Variants in MSI2 observed in about 807,000 individuals in gnomAD.
The protein encoded by MSI2 is RNA-binding protein Musashi homolog 2.
A neutral mutation model predicts 45.6 loss-of-function variants in MSI2; 17 were observed. That is an observed-to-expected ratio of 0.37 (90% confidence interval 0.26 to 0.56). The LOEUF (loss-of-function observed/expected upper bound fraction) is 0.56, where lower values mean the gene tolerates loss of function less well. MSI2 is among the 20% of genes least tolerant of loss of function. The pLI is 0.77. For synonymous variants in MSI2, 156 were observed against 158.2 expected (o/e 0.99, Z 0.11); for missense variants, 293 against 444.2 (o/e 0.66, Z 3.06).
At chr17:57,431,367 T>G (rs1367264585) in intron 6 of MSI2, among the ~76,000 whole-genome samples, 7 of 152,240 alleles carry the variant, frequency 4.6e-5, no homozygotes, top group Non-Finnish European at 1.0e-4. Context: ...AGCCAGGGAA[T>G]GTCCTTAGAT....
chr17:57,605,998 G>A (rs1348007956), intron 8 of MSI2, among the ~76,000 whole-genome samples: 1 of 152,220 alleles, frequency 6.6e-6, no homozygotes, highest in Non-Finnish European at 1.5e-5. Context: ...GACAGCTGCT[G>A]CTGCCACCAT....
intron 7 of MSI2, among the ~76,000 whole-genome samples, chr17:57,571,023 A>G (rs920839133): frequency 2.0e-5 from 3 of 152,160 alleles, no homozygotes; most frequent in Admixed American, 6.5e-5. Context: ...GCTCAGGGTA[A>G]AGACCAGGGT....
intron 6 of MSI2, among the ~76,000 whole-genome samples, chr17:57,447,294 A>T (rs550068549): frequency 2.6e-5 from 4 of 151,976 alleles, no homozygotes; most frequent in East Asian, 3.9e-4. Context: ...TGTAGGTATG[A>T]TACCTCCCTA....
intron 6 of MSI2, among the ~76,000 whole-genome samples, chr17:57,412,692 G>T (rs887794008): frequency 7.9e-5 from 12 of 152,220 alleles, no homozygotes; most frequent in African/African-American, 2.9e-4. Context: ...AAAATGAATG[G>T]TTGTGGCTAT....
intron 5 of MSI2, among the ~76,000 whole-genome samples, chr17:57,351,976 A>T (rs1276503564): frequency 6.6e-6 from 1 of 152,268 alleles, no homozygotes; most frequent in African/African-American, 2.4e-5. Flanking sequence ...GAATGAGAAC[A>T]TACATTGTGT....
intron 10 of MSI2, among the ~76,000 whole-genome samples, chr17:57,633,587 G>A (rs1490091092): frequency 2.0e-5 from 3 of 152,226 alleles, no homozygotes; most frequent in Non-Finnish European, 4.4e-5. Flanking sequence ...ACTCCCCAGA[G>A]CACTGCAGGC....
chr17:57,633,358 T>C (rs1909576842), intron 10 of MSI2, among the ~76,000 whole-genome samples: 1 of 152,200 alleles, frequency 6.6e-6, no homozygotes, highest in Non-Finnish European at 1.5e-5. Flanking sequence ...TCCCCTGTAC[T>C]TGCTTGAGGT....
intron 5 of MSI2, among the ~76,000 whole-genome samples, chr17:57,347,953 A>G (rs1915748193): frequency 6.6e-6 from 1 of 152,170 alleles, no homozygotes; most frequent in African/African-American, 2.4e-5. Context: ...AGGTAAGTGC[A>G]TTTGGTCTCT....
At chr17:57,663,273 ATTTGT>A (rs1912129531) in intron 11 of MSI2, among the ~76,000 whole-genome samples, 1 of 152,200 alleles carries the variant, frequency 6.6e-6, no homozygotes, top group Non-Finnish European at 1.5e-5. Context: ...GCAGGGCCTC[ATTTGT>A]TTTGTAGATG....
At chr17:57,534,802 CA>C (rs756057125) in intron 7 of MSI2, among the ~76,000 whole-genome samples, 41 of 152,316 alleles carry the variant, frequency 2.7e-4, no homozygotes, top group African/African-American at 7.9e-4. Context: ...GATTTGTGCC[CA>C]GGGGGAGCGG....
chr17:57,410,536 A>G (rs1272700272), intron 6 of MSI2, among the ~76,000 whole-genome samples: 1 of 152,048 alleles, frequency 6.6e-6, no homozygotes, highest in Non-Finnish European at 1.5e-5. Flanking sequence ...TTCTGCCCCA[A>G]TGTAGCGAAA....
chr17:57,530,139 CAAAAT>C (rs2086790915), intron 7 of MSI2, among the ~76,000 whole-genome samples: 2 of 152,106 alleles, frequency 1.3e-5, no homozygotes, highest in Admixed American at 1.3e-4. Context: ...GCCAAAAAAT[CAAAAT>C]AAAACATTGT....
chr17:57,443,716 C>T (rs1008258334), intron 6 of MSI2, among the ~76,000 whole-genome samples: 8 of 152,126 alleles, frequency 5.3e-5, no homozygotes, highest in Admixed American at 2.6e-4. Context: ...CAGCCTGAAC[C>T]GTGTCACTCA....
At chr17:57,568,957 T>C (rs1455880959) in intron 7 of MSI2, among the ~76,000 whole-genome samples, 2 of 152,218 alleles carry the variant, frequency 1.3e-5, no homozygotes, top group African/African-American at 2.4e-5. Context: ...AGAAATGTCC[T>C]GACCTACCTT....
At chr17:57,401,305 T>G (rs2083985505) in intron 5 of MSI2, 74 bp from the exon 6 acceptor site, 1 of 1,226,764 alleles carries the variant, frequency 8.2e-7, no homozygotes, top group East Asian at 2.3e-5. Context: ...GAGAGCAGAT[T>G]GTTTCAGCAG....
intron 11 of MSI2, among the ~76,000 whole-genome samples, chr17:57,660,805 G>A (rs917037031): frequency 1.4e-4 from 22 of 152,320 alleles, no homozygotes; most frequent in African/African-American, 5.3e-4. Flanking sequence ...ATTCTGGCTG[G>A]AGAATAAAAT....
chr17:57,297,686 A>G (rs1911097295), intron 5 of MSI2, among the ~76,000 whole-genome samples: 1 of 152,234 alleles, frequency 6.6e-6, no homozygotes, highest in Middle Eastern at 3.2e-3. Flanking sequence ...TTTTACCCAC[A>G]GTAGAACTTC....
chr17:57,666,937 G>C (rs572781463), intron 11 of MSI2, among the ~76,000 whole-genome samples: 86 of 152,340 alleles, frequency 5.6e-4, no homozygotes, highest in Middle Eastern at 3.4e-3. Context: ...GACTGAACTA[G>C]GAGAAACTTG....
intron 5 of MSI2, among the ~76,000 whole-genome samples, chr17:57,275,346 G>C (rs1908745383): frequency 6.6e-6 from 1 of 152,192 alleles, no homozygotes; most frequent in Non-Finnish European, 1.5e-5. Context: ...ACATGAAAGA[G>C]CCCCAGCTAG....
Sources: allele counts gnomAD v4.1 joint callset (sites outside exome capture counted in the v4.1 genomes callset), GRCh38; gene constraint gnomAD v4.1.1; transcripts MANE v1.5; gene names NCBI Gene and HGNC (gene_info 2026-07-23, HGNC 2026-07-21).